The following DSC1 variants were observed in gnomAD, a reference collection of about 807,000 sequenced individuals.
DSC1 encodes the protein desmocollin 1.
A neutral mutation model predicts 98.8 loss-of-function variants in DSC1; 79 were observed. The ratio of observed to expected loss-of-function variants is 0.80; its 90% CI spans 0.67 to 0.96. The LOEUF (loss-of-function observed/expected upper bound fraction) is 0.96, where lower values mean the gene tolerates loss of function less well. Among genes scored for constraint, DSC1 ranks in the 50% least tolerant of loss-of-function variants. The probability of loss-of-function intolerance (pLI) is 0.00; values close to 1 mark genes in which losing one functional copy is unlikely to be tolerated. For missense variants in DSC1, 1,115 were observed against 1,075.9 expected (o/e 1.04, Z -0.51); for synonymous variants, 405 against 372.1 (o/e 1.09, Z -1.02).
intron 5 of DSC1, among the ~76,000 whole-genome samples, chr18:31,149,967 G>C (rs548399629): frequency 3.3e-5 from 5 of 151,398 alleles, no homozygotes; most frequent in South Asian, 2.1e-4. Context: ...CTAAATTCAG[G>C]AGTGGAATAC....
intron 1 of DSC1, among the ~76,000 whole-genome samples, chr18:31,160,176 A>C (rs1989183377): frequency 6.6e-6 from 1 of 152,334 alleles, no homozygotes; most frequent in Middle Eastern, 3.4e-3. Context: ...AGGCCCAGCT[A>C]TTGTTTTTAA....
chr18:31,153,612 A>G (rs1989041051), intron 5 of DSC1, among the ~76,000 whole-genome samples: 1 of 152,092 alleles, frequency 6.6e-6, no homozygotes, highest in Non-Finnish European at 1.5e-5. Flanking sequence ...TCACTACCTT[A>G]TAGACTGCTT....
rs186127768 is a variant in DSC1, at chr18:31,141,960, G to A, written c.1260+39C>T. On this transcript the variant is annotated intron_variant, in intron 9 of 15. Transcript: ENST00000257198. The stretch of plus-strand genomic sequence containing the variant: ...CTCTTAAAATCAGTGCGTGAGTTAG[G>A]ATATTTTAAAGCATAGCCTGATTAT... 35 of 1,557,728 alleles carry A rather than the reference G, an allele frequency of 2.2e-5. No homozygotes were observed. In the Admixed American group the frequency reaches 5.7e-4, roughly 25 times the overall value.
chr18:31,141,124 C>T (rs1443044550), intron 9 of DSC1, among the ~76,000 whole-genome samples: 4 of 151,864 alleles, frequency 2.6e-5, no homozygotes, highest in South Asian at 2.1e-4. Context: ...TTCCCAGTTT[C>T]GGATATGTCT....
At chr18:31,159,631 C>G (rs997193616) in intron 1 of DSC1, 102 bp from the exon 2 acceptor site, 26 of 1,096,026 alleles carry the variant, frequency 2.4e-5, no homozygotes, top group Non-Finnish European at 3.3e-5. Flanking sequence ...ATTTTGGAAA[C>G]AAATTAATCA....
At chr18:31,144,225 C>T (rs1391556306) in intron 7 of DSC1, among the ~76,000 whole-genome samples, 1 of 141,340 alleles carries the variant, frequency 7.1e-6, no homozygotes, top group Non-Finnish European at 1.5e-5. Flanking sequence ...ATTCCTTTTA[C>T]GTATAATTTT....
At chr18:31,131,895 T>C in intron 14 of DSC1, 53 bp from the exon 15 acceptor site, 2 of 1,593,144 alleles carry the variant, frequency 1.3e-6, no homozygotes, top group East Asian at 2.2e-5. Flanking sequence ...AAACTAACAA[T>C]TCATTTTCAT....
At position 31,157,409 on chromosome 18, in the gene DSC1, G is replaced by T. The variant is rs1332578745; in HGVS notation, c.313C>A (p.Gln105Lys). 2 of 1,613,918 alleles carry T rather than the reference G, an allele frequency of 1.2e-6. No homozygotes were observed. Among genetic ancestry groups the T allele is most frequent in the Non-Finnish European group, 1.7e-6 (2 of 1,180,004 alleles). Reference sequence around the variant, plus strand: ...GCTGACAGTACAACTTTTATCTCTTGTTGTTCCCGTCTCTGACCATCTGAA... The same window carrying T: ...GCTGACAGTACAACTTTTATCTCTTTTTGTTCCCGTCTCTGACCATCTGAA... ...FLSDGQRREQ[Q>K]EIKVVLSARE... The change falls in exon 3 of 16, where the codon CAA becomes AAA. Residue 105 changes from glutamine to lysine, a missense_variant. Transcript: ENST00000257198.
At chr18:31,144,858 C>G (rs1254430854) in intron 7 of DSC1, among the ~76,000 whole-genome samples, 9 of 151,274 alleles carry the variant, frequency 5.9e-5, no homozygotes, top group African/African-American at 2.2e-4. Context: ...CACCGTGGGG[C>G]AGGATGTTGA....
chr18:31,159,052 T>TTTTTTTTTG (rs1568006259), intron 2 of DSC1, among the ~76,000 whole-genome samples: 1 of 86,422 alleles, frequency 1.2e-5, no homozygotes, highest in African/African-American at 4.8e-5. Context: ...ATGTGGTTTT[T>TTTTTTTTTG]TTTTTTTTTT....
chr18:31,155,099 A>G (rs1309966622), intron 4 of DSC1, among the ~76,000 whole-genome samples, 170 bp from the exon 5 acceptor site: 1 of 151,872 alleles, frequency 6.6e-6, no homozygotes, highest in Non-Finnish European at 1.5e-5. Flanking sequence ...TTTTATTTGC[A>G]TTTTGCATTG....
intron 7 of DSC1, among the ~76,000 whole-genome samples, chr18:31,144,930 C>CTTTTTT (rs1170980389): frequency 4.8e-5 from 6 of 124,740 alleles, no homozygotes; most frequent in African/African-American, 1.6e-4. Flanking sequence ...TCTGTATTTT[C>CTTTTTT]TTTTTCTTTC....
intron 5 of DSC1, among the ~76,000 whole-genome samples, chr18:31,150,321 T>TCACCAC (rs1461406594): frequency 1.3e-4 from 4 of 31,282 alleles, no homozygotes; most frequent in Admixed American, 6.5e-4. Flanking sequence ...ACTACTACCA[T>TCACCAC]CATCACCACC....
intron 5 of DSC1, among the ~76,000 whole-genome samples, chr18:31,149,831 A>G (rs747885033): frequency 7.2e-5 from 11 of 152,292 alleles, no homozygotes; most frequent in Non-Finnish European, 1.6e-4. Flanking sequence ...TAAAATAACC[A>G]TTCATGTTCT....
chr18:31,141,841 G>T (rs1264270175), intron 9 of DSC1, among the ~76,000 whole-genome samples, 158 bp downstream of exon 9: 1 of 152,114 alleles, frequency 6.6e-6, no homozygotes, highest in Non-Finnish European at 1.5e-5. Flanking sequence ...GAAAATTAGG[G>T]TAAGAGAATA....
chr18:31,146,851 A>G (rs571102826), intron 6 of DSC1, among the ~76,000 whole-genome samples: 22 of 152,332 alleles, frequency 1.4e-4, no homozygotes, highest in African/African-American at 5.1e-4. Flanking sequence ...TACTTTAATA[A>G]ATGTGATAAA....
rs1989037334 is a variant in DSC1 at position 31,153,390 on chromosome 18, T to C, written c.627+1384A>G. 2.0e-5 allele frequency among the ~76,000 whole-genome samples: 3 copies of C among 152,200 alleles called. No individual in the cohort carries two copies. In the South Asian group the frequency reaches 6.2e-4, roughly 31 times the overall value. The stretch of plus-strand genomic sequence containing the variant: ...AGTAGAAAGATCAAAGTGATTGCAA[T>C]GGTGCTTAGCTTACTTCTCCTGTAA... On this transcript the variant is annotated intron_variant, in intron 5 of 15. Transcript: ENST00000257198.
intron 14 of DSC1, 67 bp downstream of exon 14, chr18:31,132,501 T>C (rs1988515926): frequency 6.3e-7 from 1 of 1,579,318 alleles, no homozygotes. Context: ...ATCATTGACA[T>C]TGTTGAGTAA....
At chr18:31,157,679 G>C (rs949692207) in intron 2 of DSC1, 106 bp from the exon 3 acceptor site, 7 of 1,213,586 alleles carry the variant, frequency 5.8e-6, no homozygotes, top group Non-Finnish European at 8.3e-6. Context: ...GAAAAAGGGA[G>C]GTTACATTTG....
Sources: allele counts gnomAD v4.1 joint callset (sites outside exome capture counted in the v4.1 genomes callset), GRCh38; gene constraint gnomAD v4.1.1; transcripts MANE v1.5; gene names NCBI Gene and HGNC (gene_info 2026-07-23, HGNC 2026-07-21).